CENPF: variants seen among roughly 807,000 people sequenced by gnomAD.
CENPF encodes AH antigen.
In CENPF, 214 loss-of-function variants were observed where a neutral mutation model predicts 307.3. The ratio of observed to expected loss-of-function variants is 0.70; its 90% confidence interval spans 0.62 to 0.78. CENPF has a LOEUF of 0.78. CENPF is among the 30% of genes least tolerant of loss of function. CENPF has a pLI of 0.00. For synonymous variants in CENPF, 1,259 were observed against 1,270.6 expected (o/e 0.99, Z 0.19); for missense variants, 3,401 against 3,483.9 (o/e 0.98, Z 0.60).
At chr1:214,653,199 CCTCATGCATCCT>C (rs995014277) in intron 16 of CENPF, 1 of 514,026 alleles carries the variant, frequency 1.9e-6, no homozygotes, top group Admixed American at 2.9e-5. Flanking sequence ...CTATCCATTG[CCTCATGCATCCT>C]CTCAAACTAG....
chr1:214,660,917 G>C (rs758401848), intron 19 of CENPF, among the ~76,000 whole-genome samples: 1 of 152,182 alleles, frequency 6.6e-6, no homozygotes, highest in Non-Finnish European at 1.5e-5. Flanking sequence ...TGAATGAATG[G>C]AACTGTGAAT....
At chr1:214,655,448 A>T in intron 17 of CENPF, 45 bp downstream of exon 17, 1 of 1,506,544 alleles carries the variant, frequency 6.6e-7, no homozygotes. Context: ...ACTCTTTTCC[A>T]GTAGTGAAAT....
At chr1:214,643,791 T>A (rs112100865) in intron 12 of CENPF, among the ~76,000 whole-genome samples, 35 of 152,300 alleles carry the variant, frequency 2.3e-4, no homozygotes, top group African/African-American at 7.9e-4. Context: ...TACTAAACAG[T>A]TTTCTCTCTA....
In CENPF at chr1:214,648,733, A is replaced by C; in HGVS notation, c.7889A>C (p.Gln2630Pro). ...CAGAGGGAAATGCATGAGATGGCAC[A>C]GAAAACAGCAGAGCTGCAAGAAGAA... is the stretch of plus-strand genomic sequence containing the variant. ...ELQREMHEMA[Q>P]KTAELQEELS... is the part of the protein sequence containing the mutation. Residue 2630 changes from glutamine to proline, a missense_variant, in exon 14 of 20, where the codon CAG (glutamine) becomes CCG (proline). Transcript: ENST00000366955. 6.2e-7 allele frequency: 1 copy of C among 1,614,118 alleles called. No individual in the cohort carries two copies. The highest frequency in any genetic ancestry group is 8.5e-7 in the Non-Finnish European group (1 of 1,179,974).
In CENPF at chr1:214,641,627, CAGA is replaced by C; in HGVS notation, c.3291_3293del (p.Gln1097_Asn1098delinsHis). On this transcript the variant is annotated inframe_deletion, in exon 12 of 20. Coordinates refer to ENST00000366955, the MANE Select transcript of CENPF (RefSeq NM_016343.4). ...ATTAGCATTTGCTGAAGAAAGAAAT[CAGA>C]ATCTGATGCTAGAGTTGGAGACAGT... 6 of 1,562,828 alleles carry C rather than the reference CAGA, an allele frequency of 3.8e-6. No individual in the cohort carries two copies. Among genetic ancestry groups the C allele is most frequent in the Non-Finnish European group, 5.2e-6 (6 of 1,159,706 alleles).
At chr1:214,639,879 A>G in intron 11 of CENPF, 42 bp from the exon 12 acceptor site, 1 of 1,405,188 alleles carries the variant, frequency 7.1e-7, no homozygotes, top group Non-Finnish European at 9.4e-7. Flanking sequence ...TAGAATAAAC[A>G]TTTATTACAA....
intron 15 of CENPF, 26 bp from the exon 16 acceptor site, chr1:214,652,802 G>T: frequency 1.3e-6 from 2 of 1,531,094 alleles, no homozygotes; most frequent in South Asian, 2.5e-5. Flanking sequence ...GTAACATTTT[G>T]GTTTTTTTTG....
chr1:214,617,454 A>G (rs1444238578), intron 3 of CENPF, among the ~76,000 whole-genome samples: 1 of 152,182 alleles, frequency 6.6e-6, no homozygotes, highest in Non-Finnish European at 1.5e-5. Flanking sequence ...TGTTAAACTG[A>G]AGTCAGAGAC....
chr1:214,642,891 C>T lies in CENPF; in HGVS notation c.4553C>T (p.Ala1518Val). ...AGTAATTTAGAAGGGGCTGTTTCAG[C>T]AAACCAGTGCAGTGTAGATGAAGTA... ...LLSNLEGAVS[A>V]NQCSVDEVFC... Residue 1518 changes from alanine to valine, a missense_variant, in exon 12 of 20, where the codon GCA becomes GTA. Physicochemically the swap from Ala to Val is moderately conservative, Grantham distance 64. Transcript: ENST00000366955. 6.2e-7 allele frequency: 1 copy of T among 1,614,008 alleles called. No homozygotes were observed. The highest frequency in any genetic ancestry group is 8.5e-7 in the Non-Finnish European group (1 of 1,180,004).
rs1481388751 is a variant in CENPF at position 214,609,004 on chromosome 1, C to A, written c.-41-4710C>A. Among the ~76,000 whole-genome samples the A allele has an allele frequency of 3.3e-5, 5 of 151,852 alleles. No homozygotes were observed. The South Asian group carries it at 8.3e-4, about 25-fold the overall frequency. On this transcript the variant is annotated intron_variant, in intron 1 of 19. Transcript: ENST00000366955. ...GCAGCCCCGTTAGGAGGCCAGGGCC[C>A]AGCCCCATCGCGGTCCAAGCCGAGC...
Position 214,641,782 on chromosome 1 carries a change from CTT to C in CENPF, c.3445_3446del (p.Leu1149IlefsTer5), listed in dbSNP as rs1345001632. 1 of 1,594,518 alleles carries C rather than the reference CTT, an allele frequency of 6.3e-7. No individual in the cohort carries two copies. The highest frequency in any genetic ancestry group is 8.5e-7 in the Non-Finnish European group (1 of 1,174,874). Reference sequence around the variant, plus strand: ...ACAAAATGCAAAAGGAAGTTAATGACTTATTACAAGAGAATGAACAGCTGATG... The same window carrying C: ...ACAAAATGCAAAAGGAAGTTAATGACATTACAAGAGAATGAACAGCTGATG... ...QNKMQKEVND[L>X]LQENEQLMKV... On this transcript the variant is annotated frameshift_variant, in exon 12 of 20. Coordinates refer to ENST00000366955, the MANE Select transcript of CENPF (RefSeq NM_016343.4). LOFTEE classifies it high-confidence loss of function.
intron 8 of CENPF, among the ~76,000 whole-genome samples, chr1:214,629,821 G>T (rs1387932125): frequency 1.3e-5 from 2 of 152,188 alleles, no homozygotes; most frequent in South Asian, 4.1e-4. Context: ...CAAAGTGCTG[G>T]GATTACAGGC....
chr1:214,651,976 T>C (rs1004770038), intron 15 of CENPF, 90 bp downstream of exon 15: 5 of 1,170,872 alleles, frequency 4.3e-6, no homozygotes, highest in Admixed American at 3.0e-5. Flanking sequence ...AAATCAATAT[T>C]CTGGGTTATT....
intron 18 of CENPF, among the ~76,000 whole-genome samples, chr1:214,658,405 G>A (rs916400383): frequency 1.3e-5 from 2 of 151,882 alleles, no homozygotes; most frequent in Non-Finnish European, 2.9e-5. Flanking sequence ...GTGCTGGCCT[G>A]AAGTAGCTGT....
At chr1:214,648,602 G>A in intron 13 of CENPF, 73 bp from the exon 14 acceptor site, 4 of 1,503,686 alleles carry the variant, frequency 2.7e-6, no homozygotes, top group African/African-American at 2.8e-5. Flanking sequence ...GCATGAATAT[G>A]TTGTATCAGA....
chr1:214,652,445 T>G (rs1658508035), intron 15 of CENPF, among the ~76,000 whole-genome samples: 4 of 34,798 alleles, frequency 1.1e-4, no homozygotes, highest in Admixed American at 2.1e-4. Flanking sequence ...TTTTCTTTTC[T>G]TTTTTTTTTT....
chr1:214,612,399 C>T (rs998340352), intron 1 of CENPF, among the ~76,000 whole-genome samples: 28 of 152,230 alleles, frequency 1.8e-4, no homozygotes, highest in African/African-American at 6.3e-4. Flanking sequence ...AATTTTGCAT[C>T]GTTGATCAAG....
Position 214,614,966 on chromosome 1 carries a change from C to T in CENPF, c.297C>T (p.Phe99=). 5 of 1,609,268 alleles carry T rather than the reference C, an allele frequency of 3.1e-6. No homozygotes were observed. In the South Asian group the frequency reaches 4.5e-5, roughly 14 times the overall value. Residue 99 remains phenylalanine, a synonymous_variant, in exon 3 of 20, where the codon TTC becomes TTT. Transcript: ENST00000366955. ...ELQVKESQVN[F]QEGQLNSGKK... Reference sequence around the variant, plus strand: ...AAGTCAAGGAGTCACAAGTGAATTTCCAGGAAGGACAACTGAATTCAGGCA... The same window carrying T: ...AAGTCAAGGAGTCACAAGTGAATTTTCAGGAAGGACAACTGAATTCAGGCA...
chr1:214,637,764 T>G, intron 10 of CENPF, 102 bp from the exon 11 acceptor site: 1 of 1,117,688 alleles, frequency 8.9e-7, no homozygotes, highest in Non-Finnish European at 1.3e-6. Context: ...CTTTCCCTAG[T>G]GAGATACACA....
Sources: gnomAD v4.1 joint callset for allele counts (sites outside exome capture counted in the v4.1 genomes callset) on GRCh38, gnomAD v4.1.1 for gene constraint, MANE v1.5 for transcripts, NCBI Gene and HGNC (gene_info 2026-07-23, HGNC 2026-07-21) for gene names.